The following MACROD2 variants were observed in gnomAD, a reference collection of about 807,000 sequenced individuals.
MACROD2 encodes the protein mono-ADP ribosylhydrolase 2, also known as ADP-ribose glycohydrolase MACROD2.
MACROD2 carries 36 observed loss-of-function variants against 70.4 expected under a neutral mutation model. The ratio of observed to expected loss-of-function variants is 0.51; its 90% CI spans 0.39 to 0.68. The LOEUF (loss-of-function observed/expected upper bound fraction) is 0.68. Among genes scored for constraint, MACROD2 ranks in the 30% least tolerant of loss-of-function variants. MACROD2 has a pLI of 0.00. For synonymous variants in MACROD2, 172 were observed against 178.8 expected (o/e 0.96, Z 0.30); for missense variants, 496 against 538.4 (o/e 0.92, Z 0.78).
At chr20:14,336,912 G>A (rs1233954551) in intron 3 of MACROD2, among the ~76,000 whole-genome samples, 2 of 152,204 alleles carry the variant, frequency 1.3e-5, no homozygotes, top group Non-Finnish European at 2.9e-5. Flanking sequence ...AGGCACATAA[G>A]TCTCCAGGAG....
intron 6 of MACROD2, among the ~76,000 whole-genome samples, chr20:15,379,872 C>T (rs1031179624): frequency 2.0e-5 from 3 of 152,186 alleles, no homozygotes; most frequent in Non-Finnish European, 4.4e-5. Context: ...TCCCATGACA[C>T]ATAGAATAAA....
At chr20:15,317,624 G>GA (rs2077827480) in intron 6 of MACROD2, among the ~76,000 whole-genome samples, 1 of 151,824 alleles carries the variant, frequency 6.6e-6, no homozygotes, top group Non-Finnish European at 1.5e-5. Context: ...AAAAAGTTGA[G>GA]AATATAAGTT....
intron 5 of MACROD2, among the ~76,000 whole-genome samples, chr20:14,986,402 C>T (rs1302366563): frequency 6.6e-6 from 1 of 152,064 alleles, no homozygotes. Flanking sequence ...TGGGAAATGA[C>T]CTTCAGTTCC....
intron 4 of MACROD2, among the ~76,000 whole-genome samples, chr20:14,502,519 A>G (rs1812442275): frequency 1.3e-5 from 2 of 152,206 alleles, no homozygotes; most frequent in Admixed American, 1.3e-4. Flanking sequence ...CTGTTCTAAA[A>G]TGATGGTTAT....
At chr20:15,559,226 CAAAAAA>C (rs148608040) in intron 8 of MACROD2, among the ~76,000 whole-genome samples, 14 of 43,244 alleles carry the variant, frequency 3.2e-4, no homozygotes, top group African/African-American at 8.6e-4. Flanking sequence ...AACTCCGTCT[CAAAAAA>C]AAAAAAAAAA....
intron 3 of MACROD2, among the ~76,000 whole-genome samples, chr20:14,364,260 T>TA (rs1252408868): frequency 6.6e-6 from 1 of 152,166 alleles, no homozygotes; most frequent in Non-Finnish European, 1.5e-5. Context: ...CTGCAAAGCT[T>TA]ATAGGTTTGT....
intron 8 of MACROD2, among the ~76,000 whole-genome samples, chr20:15,596,551 G>C (rs1284927801): frequency 6.6e-6 from 1 of 152,192 alleles, no homozygotes; most frequent in Non-Finnish European, 1.5e-5. Context: ...ATATTATTTA[G>C]GAAATCCAGA....
At chr20:15,830,347 C>T (rs1222008848) in intron 8 of MACROD2, among the ~76,000 whole-genome samples, 1 of 152,202 alleles carries the variant, frequency 6.6e-6, no homozygotes, top group African/African-American at 2.4e-5. Flanking sequence ...TGAATCAATA[C>T]ATGCCAGTAT....
chr20:15,094,663 C>T (rs1365027788), intron 5 of MACROD2, among the ~76,000 whole-genome samples: 2 of 152,076 alleles, frequency 1.3e-5, no homozygotes, highest in African/African-American at 2.4e-5. Flanking sequence ...ACAAAAGCCT[C>T]CCATCAAAAG....
intron 6 of MACROD2, among the ~76,000 whole-genome samples, chr20:15,252,868 C>CAG (rs537524855): frequency 2.4e-3 from 360 of 152,308 alleles, no homozygotes; most frequent in African/African-American, 8.0e-3. Context: ...CCTACAGAGC[C>CAG]AGCTGCTCAC....
Position 15,674,048 on chromosome 20 carries a change from A to G in MACROD2, c.645+174201A>G, listed in dbSNP as rs778579011. ...ACTTGCATGTGCGTATGAATCATCT[A>G]TAGATCCTGTGAACCTATAGATCTG... is the stretch of plus-strand genomic sequence containing the variant. On this transcript the variant is annotated intron_variant, in intron 8 of 17. Coordinates refer to ENST00000684519, the MANE Select transcript of MACROD2 (RefSeq NM_001351661.2). Among the ~76,000 whole-genome samples, 5 of 152,344 alleles carry G rather than the reference A, an allele frequency of 3.3e-5. No homozygotes were observed. The East Asian group carries it at 7.7e-4, about 24-fold the overall frequency.
chr20:14,395,493 A>G (rs553058085), intron 3 of MACROD2, among the ~76,000 whole-genome samples: 1 of 151,974 alleles, frequency 6.6e-6, no homozygotes, highest in South Asian at 2.1e-4. Context: ...TTTCATGATC[A>G]GTTGGCTAGA....
At chr20:15,899,739 G>T (rs1454091485) in intron 10 of MACROD2, among the ~76,000 whole-genome samples, 1 of 152,056 alleles carries the variant, frequency 6.6e-6, no homozygotes, top group Non-Finnish European at 1.5e-5. Flanking sequence ...AGGCATACGT[G>T]GGATGCTCAT....
intron 3 of MACROD2, among the ~76,000 whole-genome samples, chr20:14,352,010 AGATAT>A (rs1158621240): frequency 6.6e-6 from 1 of 152,192 alleles, no homozygotes; most frequent in Non-Finnish European, 1.5e-5. Context: ...TTTGTTCTGT[AGATAT>A]GATATATCAC....
In MACROD2 at chr20:14,119,552, T is replaced by TA. The variant is rs1000653038; in HGVS notation, c.271+33832dup. On this transcript the variant is annotated intron_variant, in intron 3 of 17. Coordinates refer to ENST00000684519, the MANE Select transcript of MACROD2 (RefSeq NM_001351661.2). ...TTCTGTAACATTCCTGGATTGACAC[T>TA]AAAAAAAATCCTAAACAAGAGAATT... 3.6e-3 allele frequency among the ~76,000 whole-genome samples: 553 copies of TA among 152,084 alleles called. 2 individuals carry two copies. The highest frequency in any genetic ancestry group is 0.011 in the African/African-American group (477 of 41,518).
intron 12 of MACROD2, among the ~76,000 whole-genome samples, chr20:15,948,382 C>CAAAAAAAAAAAAAAAA (rs71192307): frequency 4.9e-4 from 21 of 43,130 alleles, no homozygotes; most frequent in East Asian, 6.4e-4. Context: ...CTTGCAACTG[C>CAAAAAAAAAAAAAAAA]AAAAAAAAAA....
chr20:14,410,218 T>C (rs1341829009), intron 3 of MACROD2, among the ~76,000 whole-genome samples: 8 of 134 alleles, frequency 0.06, no homozygotes, highest in African/African-American at 0.075. Context: ...TTTGCATTTC[T>C]TTTTTTTTTT....
chr20:14,519,392 C>G (rs982163443), intron 4 of MACROD2, among the ~76,000 whole-genome samples: 1 of 151,900 alleles, frequency 6.6e-6, no homozygotes, highest in African/African-American at 2.4e-5. Context: ...TGAAATTGCA[C>G]AAACTAGGGG....
At chr20:15,390,876 C>A (rs1568770735) in intron 6 of MACROD2, among the ~76,000 whole-genome samples, 2 of 152,170 alleles carry the variant, frequency 1.3e-5, no homozygotes, top group South Asian at 2.1e-4. Flanking sequence ...AGAGAACTTA[C>A]AAAATTGAAG....
Sources: gnomAD v4.1 joint callset for allele counts (sites outside exome capture counted in the v4.1 genomes callset) on GRCh38, gnomAD v4.1.1 for gene constraint, MANE v1.5 for transcripts, NCBI Gene and HGNC (gene_info 2026-07-23, HGNC 2026-07-21) for gene names.